RBFOX3: variants seen among roughly 807,000 people sequenced by gnomAD.
RBFOX3 encodes RNA binding protein fox-1 homolog 3.
Under a neutral mutation model 48.7 loss-of-function variants are expected in RBFOX3, and 17 were observed. The observed-to-expected ratio is 0.35, with a 90% confidence interval of 0.24 to 0.52. RBFOX3 has a LOEUF of 0.52. Among genes scored for constraint, RBFOX3 ranks in the 20% least tolerant of loss-of-function variants. RBFOX3 has a pLI of 0.94. For synonymous variants in RBFOX3, 212 were observed against 209.5 expected, an observed-to-expected ratio of 1.01 and a Z score of -0.10; for missense variants, 382 against 497.5, an observed-to-expected ratio of 0.77 and a Z score of 2.21.
intron 4 of RBFOX3, among the ~76,000 whole-genome samples, chr17:79,202,452 C>T (rs892799063): frequency 3.3e-5 from 5 of 152,192 alleles, no homozygotes; most frequent in Non-Finnish European, 7.4e-5. Flanking sequence ...GCTAGGGGTG[C>T]TGGGAGCAAT....
chr17:79,306,123 T>A (rs2076055359), intron 3 of RBFOX3, among the ~76,000 whole-genome samples: 1 of 152,262 alleles, frequency 6.6e-6, no homozygotes, highest in African/African-American at 2.4e-5. Flanking sequence ...GAAAACATCC[T>A]GACCCGAGGC....
At chr17:79,388,413 C>T (rs1018660288) in intron 2 of RBFOX3, among the ~76,000 whole-genome samples, 8 of 152,226 alleles carry the variant, frequency 5.3e-5, no homozygotes, top group Non-Finnish European at 1.2e-4. Context: ...CATCTCCCCA[C>T]GCATGGAGCC....
intron 2 of RBFOX3, among the ~76,000 whole-genome samples, chr17:79,446,582 G>T (rs1172243900): frequency 6.6e-6 from 1 of 152,174 alleles, no homozygotes; most frequent in Non-Finnish European, 1.5e-5. Flanking sequence ...CAACGCTCCT[G>T]GGCAGCACCC....
At chr17:79,137,325 T>C (rs1171921103) in intron 4 of RBFOX3, among the ~76,000 whole-genome samples, 2 of 152,190 alleles carry the variant, frequency 1.3e-5, no homozygotes, top group East Asian at 3.9e-4. Context: ...ACATTCCCAG[T>C]GCATTCTCAC....
rs752817917 is a variant in RBFOX3 at position 79,363,897 on chromosome 17, C to T, written c.-174-56073G>A. Among the ~76,000 whole-genome samples, 1 of 152,182 alleles carries T rather than the reference C, an allele frequency of 6.6e-6. No individual in the cohort carries two copies. The highest frequency in any genetic ancestry group is 2.1e-4 in the South Asian group (1 of 4,836). ...CTCCTGCAGCCCCTAACTCTCCCCA[C>T]CTCGTCCCCCTCACCCACTCCACTC... On this transcript the variant is annotated intron_variant, in intron 2 of 14. Transcript: ENST00000693108. The surrounding 1 kb of genome is among the most constrained non-coding windows in gnomAD (Gnocchi z 4.7).
chr17:79,506,889 G>A (rs2083226936), intron 1 of RBFOX3, among the ~76,000 whole-genome samples: 1 of 152,240 alleles, frequency 6.6e-6, no homozygotes, highest in African/African-American at 2.4e-5. Flanking sequence ...CAGAGGATGG[G>A]AAGTTCTAGA....
chr17:79,197,114 C>T (rs1350072318), intron 4 of RBFOX3, among the ~76,000 whole-genome samples: 6 of 150,074 alleles, frequency 4.0e-5, no homozygotes, highest in South Asian at 2.1e-4. Flanking sequence ...GCTGGGCACG[C>T]GTGGGTAAAA....
the RBFOX3 span, among the ~76,000 whole-genome samples, chr17:79,663,463 T>G: frequency 6.6e-6 from 1 of 152,156 alleles, no homozygotes; most frequent in Non-Finnish European, 1.5e-5. Context: ...CCCAAGTCCT[T>G]TATAGGGGGT....
rs80161588 is a variant in RBFOX3 at position 79,549,051 on chromosome 17, G to A, written c.-320+61775C>T. On this transcript the variant is annotated intron_variant, in intron 1 of 14. Coordinates refer to ENST00000693108, the MANE Select transcript of RBFOX3 (RefSeq NM_001350451.2). ...TTTGCAGATGAAGAAACTGAGGCTC[G>A]GGATGGGCAGATGCACTGACCAAGG... Among the ~76,000 whole-genome samples, 519 of 152,302 alleles carry A rather than the reference G, an allele frequency of 3.4e-3. 5 individuals carry two copies. The highest frequency in any genetic ancestry group is 0.012 in the African/African-American group (487 of 41,570).
intron 4 of RBFOX3, among the ~76,000 whole-genome samples, chr17:79,138,713 C>CCACA: frequency 2.0e-5 from 1 of 50,806 alleles, no homozygotes; most frequent in Non-Finnish European, 3.8e-5. Flanking sequence ...GCGTTCACAC[C>CCACA]CCCTCACCCA....
intron 2 of RBFOX3, among the ~76,000 whole-genome samples, chr17:79,445,759 G>T (rs1463685255): frequency 6.6e-6 from 1 of 152,196 alleles, no homozygotes; most frequent in Non-Finnish European, 1.5e-5. Context: ...GCTGGGTGTT[G>T]CCCTGTTTTA....
the RBFOX3 span, among the ~76,000 whole-genome samples, chr17:79,631,445 A>G: frequency 6.6e-6 from 1 of 152,142 alleles, no homozygotes; most frequent in African/African-American, 2.4e-5. Flanking sequence ...AGCCAGTGTC[A>G]GACACCAGCT....
chr17:79,139,667 A>G (rs1478506763), intron 4 of RBFOX3, among the ~76,000 whole-genome samples: 3 of 152,146 alleles, frequency 2.0e-5, no homozygotes, highest in Non-Finnish European at 4.4e-5. Flanking sequence ...TGGGGGACCA[A>G]TGGGACAATT....
At chr17:79,329,066 G>C (rs890428119) in intron 2 of RBFOX3, among the ~76,000 whole-genome samples, 1 of 152,082 alleles carries the variant, frequency 6.6e-6, no homozygotes, top group African/African-American at 2.4e-5. Flanking sequence ...CAGGGAGGAG[G>C]CTGGATACAG....
At chr17:79,437,550 G>A (rs1181499622) in intron 2 of RBFOX3, among the ~76,000 whole-genome samples, 1 of 152,208 alleles carries the variant, frequency 6.6e-6, no homozygotes, top group Non-Finnish European at 1.5e-5. Flanking sequence ...TAGGAGCTGG[G>A]CCCCCAGGCC....
At chr17:79,314,973 G>A (rs969269592) in intron 2 of RBFOX3, among the ~76,000 whole-genome samples, 1 of 152,094 alleles carries the variant, frequency 6.6e-6, no homozygotes, top group Non-Finnish European at 1.5e-5. Context: ...TGCAGGTAGA[G>A]GAGGATAGAT....
intron 4 of RBFOX3, among the ~76,000 whole-genome samples, chr17:79,125,112 G>A (rs1306960910): frequency 6.6e-6 from 1 of 152,200 alleles, no homozygotes; most frequent in East Asian, 1.9e-4. Flanking sequence ...AATTATCCGG[G>A]AATGAGCGAG....
chr17:79,112,212 C>T (rs1252457825), intron 5 of RBFOX3, among the ~76,000 whole-genome samples: 1 of 152,184 alleles, frequency 6.6e-6, no homozygotes, highest in Non-Finnish European at 1.5e-5. Flanking sequence ...CCACAAAAAT[C>T]AGTGCACGCT....
At chr17:79,303,521 A>G (rs4790001) in intron 3 of RBFOX3, among the ~76,000 whole-genome samples, 51,057 of 151,684 alleles carry the variant, frequency 0.34, 10,030 homozygotes, top group East Asian at 0.47. Context: ...GATTTTATTA[A>G]AAGTCCCCTG....
Sources: allele counts gnomAD v4.1 joint callset (sites outside exome capture counted in the v4.1 genomes callset), GRCh38; gene constraint gnomAD v4.1.1; non-coding constraint Gnocchi (gnomAD v3.1); transcripts MANE v1.5; gene names NCBI Gene and HGNC (gene_info 2026-07-23, HGNC 2026-07-21).